Variants in ESYT1 observed in about 807,000 individuals in gnomAD.
ESYT1 encodes the protein extended synaptotagmin-1.
ESYT1 carries 116 observed loss-of-function variants against 154.2 expected under a neutral mutation model. The ratio of observed to expected loss-of-function variants is 0.75; its 90% confidence interval spans 0.65 to 0.88. The LOEUF is 0.88. ESYT1 is among the 40% of genes least tolerant of loss of function. The pLI is 0.00. For missense variants in ESYT1, 1,264 were observed against 1,379.3 expected, an observed-to-expected ratio of 0.92 and a Z score of 1.32; for synonymous variants, 500 against 539.9, an observed-to-expected ratio of 0.93 and a Z score of 1.02.
chr12:56,139,309 A>T (rs1285971728), intron 24 of ESYT1, among the ~76,000 whole-genome samples: 1 of 151,772 alleles, frequency 6.6e-6, no homozygotes, highest in East Asian at 1.9e-4. Flanking sequence ...ATGGAGTTTC[A>T]CCATGTTAGC....
At chr12:56,134,297 A>G in intron 14 of ESYT1, 45 bp from the exon 15 acceptor site, 2 of 1,604,242 alleles carry the variant, frequency 1.2e-6, no homozygotes, top group Non-Finnish European at 1.7e-6. Flanking sequence ...AGAAACAGGA[A>G]TGGTGCTGTG....
Position 56,143,871 on chromosome 12 carries a change from G to A in ESYT1, c.*9G>A, listed in dbSNP as rs200267352. ...ACAAGGGCAGCTCCTAGGAGCTGGCGAGTCCCAGCCTGACTGCTCTGTCTT... is the reference window on the plus strand; with the variant it reads ...ACAAGGGCAGCTCCTAGGAGCTGGCAAGTCCCAGCCTGACTGCTCTGTCTT... On this transcript the variant is annotated 3_prime_UTR_variant, in exon 31 of 31. Coordinates refer to ENST00000394048, the MANE Select transcript of ESYT1 (RefSeq NM_015292.3). 514 of 1,613,650 alleles carry A rather than the reference G, an allele frequency of 3.2e-4. No homozygotes were observed. The highest frequency in any genetic ancestry group is 4.2e-4 in the Non-Finnish European group (493 of 1,179,890).
rs1458195384 is a variant in ESYT1, at chr12:56,142,716, C to T, written c.2872C>T (p.Leu958=). Residue 958 remains leucine (L), a synonymous_variant, in exon 26 of 31, where the codon CTA becomes TTA. Transcript: ENST00000394048. The surrounding 1 kb of genome is among the most constrained non-coding windows in gnomAD (Gnocchi z 4.1). ...TSSAPELRQR[L]THVDSPLEAP... ...CTCAGCCCCAGAGCTCCGGCAGCGC[C>T]TAACACATGTTGACAGGTAAAGGGC... 1 of 1,613,918 alleles carries T rather than the reference C, an allele frequency of 6.2e-7. No homozygotes were observed. Among genetic ancestry groups the T allele is most frequent in the East Asian group, 2.2e-5 (1 of 44,888 alleles).
intron 7 of ESYT1, 39 bp downstream of exon 7, chr12:56,131,843 C>T (rs778458611): frequency 5.7e-5 from 92 of 1,603,512 alleles, no homozygotes; most frequent in African/African-American, 1.5e-4. Context: ...AGTGTTCCAG[C>T]GCTGGGTTGG....
At chr12:56,134,601 ATTT>A (rs1204339908) in intron 15 of ESYT1, among the ~76,000 whole-genome samples, 173 bp downstream of exon 15, 1 of 143,192 alleles carries the variant, frequency 7.0e-6, no homozygotes. Context: ...CCAGAATAAT[ATTT>A]TTTTTTTTTT....
chr12:56,131,469 T>C lies in ESYT1; in HGVS notation c.715-8T>C. On this transcript the variant is annotated splice_polypyrimidine_tract_variant and splice_region_variant and intron_variant, in intron 5 of 30. Coordinates refer to ENST00000394048, the MANE Select transcript of ESYT1 (RefSeq NM_015292.3). ...GGGAAAGGCTTTGATTTTCTCTTCT[T>C]GCCTCAGCTACATGGCGTTTTGCGG... The C allele has an allele frequency of 6.2e-7, 1 of 1,614,146 alleles. No homozygotes were observed. The highest frequency in any genetic ancestry group is 8.5e-7 in the Non-Finnish European group (1 of 1,179,996).
rs1283481657 is a variant in ESYT1, at chr12:56,131,128, C to T, written c.641+15C>T. ...TTGAACATCAGGTAATACCACTCACCACTCTTACTGCTTCCCCTTCAATGT... is the reference window on the plus strand; with the variant it reads ...TTGAACATCAGGTAATACCACTCACTACTCTTACTGCTTCCCCTTCAATGT... On this transcript the variant is annotated intron_variant, in intron 4 of 30. Coordinates refer to ENST00000394048, the MANE Select transcript of ESYT1 (RefSeq NM_015292.3). 1.2e-6 allele frequency: 2 copies of T among 1,613,982 alleles called. No individual in the cohort carries two copies. Among genetic ancestry groups the T allele is most frequent in the East Asian group, 4.5e-5 (2 of 44,884 alleles).
chr12:56,134,422 T>G lies in ESYT1; in HGVS notation c.1626T>G (p.Asp542Glu). The change falls in exon 15 of 31, where the codon GAT becomes GAG. Residue 542 changes from aspartate to glutamate, a missense_variant. Asp to Glu is a conservative substitution (Grantham distance 45). Transcript: ENST00000394048. Reference sequence around the variant, plus strand: ...AAGACCCTCAAAGCCAGGAGCTCGATGTGCAAGTGAGATAATCACCTCTTC... The same window carrying G: ...AAGACCCTCAAAGCCAGGAGCTCGAGGTGCAAGTGAGATAATCACCTCTTC... ...FLQDPQSQEL[D>E]VQVKDDSRAL... The G allele has an allele frequency of 6.2e-7, 1 of 1,614,000 alleles. No individual in the cohort carries two copies. The highest frequency in any genetic ancestry group is 2.2e-5 in the East Asian group (1 of 44,874).
chr12:56,136,590 CAAAAAAAAAAA>C (rs944160332), intron 15 of ESYT1, among the ~76,000 whole-genome samples, 143 bp from the exon 16 acceptor site: 6 of 58,212 alleles, frequency 1.0e-4, no homozygotes, highest in African/African-American at 3.6e-4. Flanking sequence ...GACTCTGTCT[CAAAAAAAAAAA>C]AAAAAAAAAG....
chr12:56,133,335 G>A, intron 10 of ESYT1, 82 bp from the exon 11 acceptor site: 3 of 1,479,124 alleles, frequency 2.0e-6, no homozygotes, highest in South Asian at 2.3e-5. Flanking sequence ...CTGGGTGGGT[G>A]AGTGGAGGGC....
chr12:56,134,340 A>G lies in ESYT1; in HGVS notation c.1546-2A>G. On this transcript the variant is annotated splice_acceptor_variant, in intron 14 of 30. Coordinates refer to ENST00000394048, the MANE Select transcript of ESYT1 (RefSeq NM_015292.3). LOFTEE classifies it high-confidence loss of function. ...CCCTTAATCCCTCCTCTACATCTCC[A>G]GGCTGTCTACAGTACCAACTGCCCA... is the stretch of plus-strand genomic sequence containing the variant. 6.2e-7 allele frequency: 1 copy of G among 1,613,984 alleles called. No individual in the cohort carries two copies. Among genetic ancestry groups the G allele is most frequent in the Non-Finnish European group, 8.5e-7 (1 of 1,179,908 alleles).
At position 56,136,726 on chromosome 12, in the gene ESYT1, T is replaced by C. The variant is rs1224223064; in HGVS notation, c.1633-18T>C. The C allele has an allele frequency of 6.3e-7, 1 of 1,585,054 alleles. No homozygotes were observed. Among genetic ancestry groups the C allele is most frequent in the Non-Finnish European group, 8.6e-7 (1 of 1,164,406 alleles). ...TCCCCTAATCCCTTCACTACAGTCC[T>C]TCCTCCTGTGCCTGTAGGTGAAGGA... On this transcript the variant is annotated intron_variant, in intron 15 of 30. Coordinates refer to ENST00000394048, the MANE Select transcript of ESYT1 (RefSeq NM_015292.3).
At position 56,132,664 on chromosome 12, in the gene ESYT1, G is replaced by A. The variant is rs1308658855; in HGVS notation, c.1162-55G>A. The stretch of plus-strand genomic sequence containing the variant: ...GAGGTTGTGAGAGAAGATGCTGATT[G>A]GATGATCCTCACAGCTGCAGCCCCA... On this transcript the variant is annotated intron_variant, in intron 9 of 30. Transcript: ENST00000394048. 4 of 1,613,494 alleles carry A rather than the reference G, an allele frequency of 2.5e-6. No individual in the cohort carries two copies. In the East Asian group the frequency reaches 6.7e-5, roughly 27 times the overall value.
At position 56,128,304 on chromosome 12, in the gene ESYT1, T is replaced by C; in HGVS notation, c.-16T>C. 6.2e-7 allele frequency: 1 copy of C among 1,603,018 alleles called. No individual in the cohort carries two copies. The highest frequency in any genetic ancestry group is 8.5e-7 in the Non-Finnish European group (1 of 1,176,326). On this transcript the variant is annotated 5_prime_UTR_variant, in exon 1 of 31. Transcript: ENST00000394048. ...GCCAGTCCCTGGGTCGGGCGGATCC[T>C]CCCAGAGGTGGCACAATGGAGCGAT...
chr12:56,131,220 G>C, intron 4 of ESYT1, 24 bp from the exon 5 acceptor site: 9 of 1,614,128 alleles, frequency 5.6e-6, no homozygotes, highest in South Asian at 1.1e-5. Context: ...AACTCTCTTG[G>C]TTCTCTTCTT....
At chr12:56,128,750 T>A in intron 1 of ESYT1, 41 bp downstream of exon 1, 1 of 1,606,330 alleles carries the variant, frequency 6.2e-7, no homozygotes, top group Non-Finnish European at 8.5e-7. Context: ...CATAGCCCCC[T>A]TCCACCCCTT....
chr12:56,137,222 T>G lies in ESYT1; in HGVS notation c.1787T>G (p.Leu596Arg). The change falls in exon 17 of 31, where the codon CTG (leucine) becomes CGG (arginine). Residue 596 changes from leucine to arginine, a missense_variant. Physicochemically the swap from Leu to Arg is moderately radical, Grantham distance 102. Coordinates refer to ENST00000394048, the MANE Select transcript of ESYT1 (RefSeq NM_015292.3). ...RLYMKLVMRI[L>R]YLDSSEICFP... ...GCATCATACTACCCTTCCTAGATCCTGTACTTGGATTCATCAGAAATATGC... is the reference window on the plus strand; with the variant it reads ...GCATCATACTACCCTTCCTAGATCCGGTACTTGGATTCATCAGAAATATGC... 1 of 1,614,200 alleles carries G rather than the reference T, an allele frequency of 6.2e-7. No homozygotes were observed. The highest frequency in any genetic ancestry group is 8.5e-7 in the Non-Finnish European group (1 of 1,180,034).
rs372234838 is a variant in ESYT1, at chr12:56,143,614, A to G, written c.3260A>G (p.Gln1087Arg). The change falls in exon 30 of 31, where the codon CAG becomes CGG. Residue 1087 changes from glutamine (Q) to arginine (R), a missense_variant. Coordinates refer to ENST00000394048, the MANE Select transcript of ESYT1 (RefSeq NM_015292.3). The part of the protein sequence containing the change: ...QLDLAETDLS[Q>R]GVARWYDLMD... ...GACCTAGCTGAGACAGACCTTTCCCAGGGTGTAGCCCGGTGGTGAGTGTCT... is the reference window on the plus strand; with the variant it reads ...GACCTAGCTGAGACAGACCTTTCCCGGGGTGTAGCCCGGTGGTGAGTGTCT... The G allele has an allele frequency of 6.2e-6, 10 of 1,614,150 alleles. No homozygotes were observed. The highest frequency in any genetic ancestry group is 2.2e-5 in the East Asian group (1 of 44,880).
chr12:56,142,881 C>G lies in ESYT1; in HGVS notation c.2935C>G (p.Leu979Val). Residue 979 changes from leucine (L) to valine (V), a missense_variant, in exon 27 of 31, where the codon CTG (leucine) becomes GTG (valine). Coordinates refer to ENST00000394048, the MANE Select transcript of ESYT1 (RefSeq NM_015292.3). The surrounding 1 kb of genome is among the most constrained non-coding windows in gnomAD (Gnocchi z 4.1). ...GCCTCTGGGCCAGGTGAAACTGACT[C>G]TGTGGTACTACAGTGAAGAACGAAA... ...AGPLGQVKLT[L>V]WYYSEERKLV... The G allele has an allele frequency of 1.9e-6, 3 of 1,614,248 alleles. No individual in the cohort carries two copies. Among genetic ancestry groups the G allele is most frequent in the Non-Finnish European group, 1.7e-6 (2 of 1,180,052 alleles).
Sources: gnomAD v4.1 joint callset for allele counts (sites outside exome capture counted in the v4.1 genomes callset) on GRCh38, gnomAD v4.1.1 for gene constraint, Gnocchi (gnomAD v3.1) non-coding constraint, MANE v1.5 for transcripts, NCBI Gene and HGNC (gene_info 2026-07-23, HGNC 2026-07-21) for gene names.